TRAPPC9: variants seen among roughly 807,000 people sequenced by gnomAD.
TRAPPC9 encodes the protein IKK2 binding protein.
Under a neutral mutation model 124.0 loss-of-function variants are expected in TRAPPC9, and 83 were observed. The observed-to-expected ratio is 0.67, with a 90% confidence interval of 0.56 to 0.80. TRAPPC9 has a LOEUF of 0.80. TRAPPC9 is among the 30% of genes least tolerant of loss of function. The pLI is 0.00. For missense variants in TRAPPC9, 1,302 were observed against 1,508.3 expected, an observed-to-expected ratio of 0.86 and a Z score of 2.27; for synonymous variants, 638 against 617.5, an observed-to-expected ratio of 1.03 and a Z score of -0.49.
chr8:140,238,507 A>G (rs2063775970), intron 16 of TRAPPC9: 1 of 152,256 alleles, frequency 6.6e-6, no homozygotes, highest in South Asian at 2.1e-4. Flanking sequence ...ATTACTGCCT[A>G]TGAGTCAGAC....
chr8:140,214,285 T>C (rs941741453), intron 17 of TRAPPC9, among the ~76,000 whole-genome samples: 1 of 152,122 alleles, frequency 6.6e-6, no homozygotes, highest in East Asian at 1.9e-4. Context: ...GGCTTTGCAG[T>C]TGGGGGAAGC....
At chr8:140,448,760 C>T (rs968572233) in intron 2 of TRAPPC9, among the ~76,000 whole-genome samples, 7 of 152,098 alleles carry the variant, frequency 4.6e-5, no homozygotes, top group African/African-American at 1.7e-4. Flanking sequence ...GGCTGGACAG[C>T]AGTGTGCGCT....
At chr8:139,821,263 A>G (rs1825233218) in intron 21 of TRAPPC9, among the ~76,000 whole-genome samples, 2 of 152,278 alleles carry the variant, frequency 1.3e-5, no homozygotes, top group Admixed American at 1.3e-4. Context: ...AAGTGAAAGC[A>G]GCAACAATGT....
chr8:140,069,853 C>T (rs1002854516), intron 17 of TRAPPC9, among the ~76,000 whole-genome samples: 1 of 152,156 alleles, frequency 6.6e-6, no homozygotes, highest in Non-Finnish European at 1.5e-5. Context: ...AGCCACAGGC[C>T]GAGAACCCTC....
At chr8:140,162,174 C>T (rs2061762489) in intron 17 of TRAPPC9, among the ~76,000 whole-genome samples, 1 of 152,138 alleles carries the variant, frequency 6.6e-6, no homozygotes, top group Admixed American at 6.5e-5. Context: ...GAGTGAAATA[C>T]TGAGGTTTCT....
intron 17 of TRAPPC9, among the ~76,000 whole-genome samples, chr8:140,143,740 C>A (rs7821157): frequency 0.041 from 6,259 of 152,270 alleles, 432 homozygotes; most frequent in African/African-American, 0.14. Context: ...CAAATTTTTT[C>A]ATATGCATAA....
intron 9 of TRAPPC9, among the ~76,000 whole-genome samples, chr8:140,351,232 C>T (rs2067564694): frequency 8.0e-6 from 1 of 124,618 alleles, no homozygotes; most frequent in Non-Finnish European, 1.7e-5. Flanking sequence ...ACCCCTCCAG[C>T]CCCCCACGCT....
At chr8:140,450,286 G>A (rs1023301134) in intron 2 of TRAPPC9, among the ~76,000 whole-genome samples, 3 of 152,120 alleles carry the variant, frequency 2.0e-5, no homozygotes, top group African/African-American at 4.8e-5. Context: ...ACTTGAACCC[G>A]GGAGGTGCAC....
intron 12 of TRAPPC9, among the ~76,000 whole-genome samples, chr8:140,289,614 C>T (rs1034204823): frequency 1.3e-5 from 2 of 152,016 alleles, no homozygotes; most frequent in Non-Finnish European, 2.9e-5. Context: ...GTTCCCTGCT[C>T]TTCCTCATTT....
intron 19 of TRAPPC9, among the ~76,000 whole-genome samples, chr8:139,951,345 A>C (rs185374267): frequency 1.5e-3 from 223 of 152,292 alleles, no homozygotes; most frequent in African/African-American, 5.2e-3. Context: ...CAAACCACTG[A>C]ACAAAAACTG....
intron 16 of TRAPPC9, among the ~76,000 whole-genome samples, chr8:140,242,577 T>G (rs964530419): frequency 1.4e-4 from 21 of 152,196 alleles, no homozygotes; most frequent in Non-Finnish European, 2.4e-4. Flanking sequence ...TGGAGGTGTT[T>G]TCGGGGCTGC....
At chr8:140,269,548 AAAATAAAATAAATAAATAAATAAAT>A (rs1440608318) in intron 15 of TRAPPC9, among the ~76,000 whole-genome samples, 3 of 133,536 alleles carry the variant, frequency 2.2e-5, no homozygotes, top group South Asian at 2.4e-4. Flanking sequence ...CTCAAAAAAT[AAAATAAAATAAATAAATAAATAAAT>A]AAATAAATAA....
At chr8:139,773,990 G>A (rs756742636) in intron 21 of TRAPPC9, among the ~76,000 whole-genome samples, 7 of 152,214 alleles carry the variant, frequency 4.6e-5, no homozygotes, top group African/African-American at 7.2e-5. Context: ...AAGCCAGGCC[G>A]GCTGCGAGGG....
At chr8:140,426,218 A>G (rs975336917) in intron 5 of TRAPPC9, among the ~76,000 whole-genome samples, 10 of 152,374 alleles carry the variant, frequency 6.6e-5, no homozygotes, top group African/African-American at 2.4e-4. Context: ...TTTCCCTGTT[A>G]AGAACACACA....
In TRAPPC9 at chr8:139,735,989, G is replaced by A. The variant is rs546970518; in HGVS notation, c.3056-3787C>T. The stretch of plus-strand genomic sequence containing the variant: ...CCCTGTCGGAGCAGGAGGCCAGGCT[G>A]CAGTCCCAACTTTGCCTCTGACTTC... On this transcript the variant is annotated intron_variant, in intron 21 of 22. Coordinates refer to ENST00000438773, the MANE Select transcript of TRAPPC9 (RefSeq NM_001160372.4). Among the ~76,000 whole-genome samples, 209 of 152,362 alleles carry A rather than the reference G, an allele frequency of 1.4e-3. 1 individual carries two copies. Among genetic ancestry groups the A allele is most frequent in the African/African-American group, 4.8e-3 (201 of 41,570 alleles).
intron 15 of TRAPPC9, among the ~76,000 whole-genome samples, chr8:140,263,752 C>T (rs72688872): frequency 0.12 from 17,907 of 152,206 alleles, 1,191 homozygotes; most frequent in Admixed American, 0.18. Flanking sequence ...AGGACTCTAA[C>T]AAAAGTCCAT....
chr8:140,221,839 C>T (rs546459714), intron 16 of TRAPPC9, among the ~76,000 whole-genome samples: 8 of 152,098 alleles, frequency 5.3e-5, no homozygotes, highest in Admixed American at 1.3e-4. Flanking sequence ...GGTTTCACCA[C>T]GTTGCCCAGG....
chr8:140,037,927 G>A (rs994724042), intron 17 of TRAPPC9, among the ~76,000 whole-genome samples: 3 of 100,486 alleles, frequency 3.0e-5, no homozygotes, highest in Non-Finnish European at 5.3e-5. Flanking sequence ...AGCTTCCCTC[G>A]TGCTGCATGG....
At chr8:139,810,971 A>G (rs140049312) in intron 21 of TRAPPC9, among the ~76,000 whole-genome samples, 3 of 152,338 alleles carry the variant, frequency 2.0e-5, no homozygotes, top group African/African-American at 4.8e-5. Flanking sequence ...GCCTCATAGG[A>G]ACAAAGGCCA....
Sources: gnomAD v4.1 joint callset for allele counts (sites outside exome capture counted in the v4.1 genomes callset) on GRCh38, gnomAD v4.1.1 for gene constraint, MANE v1.5 for transcripts, NCBI Gene and HGNC (gene_info 2026-07-23, HGNC 2026-07-21) for gene names.